Variants in PCDHA4 observed in about 807,000 individuals in gnomAD.
The protein encoded by PCDHA4 is protocadherin alpha-4.
PCDHA4 carries 49 observed loss-of-function variants against 61.4 expected under a neutral mutation model. The observed-to-expected ratio is 0.80, with a 90% CI of 0.63 to 1.01. The LOEUF (loss-of-function observed/expected upper bound fraction) is 1.01, where lower values mean the gene tolerates loss of function less well. Ranked by LOEUF, PCDHA4 falls within the 50% of genes least tolerant of loss-of-function variation. PCDHA4 has a pLI of 0.00. For missense variants in PCDHA4, 1,254 were observed against 1,235.8 expected (o/e 1.01, Z -0.22); for synonymous variants, 590 against 550.3 (o/e 1.07, Z -1.01).
rs144914662 is a variant in PCDHA4, at chr5:140,807,597, A to C, written c.410A>C (p.Gln137Pro). 2,181 of 1,614,208 alleles carry C rather than the reference A, an allele frequency of 1.4e-3. 2 individuals carry two copies. Among genetic ancestry groups the C allele is most frequent in the Non-Finnish European group, 1.8e-3 (2,092 of 1,180,038 alleles). The change falls in exon 1 of 4, where the codon CAA becomes CCA. Residue 137 changes from glutamine (Q) to proline (P), a missense_variant. Physicochemically the swap from Gln to Pro is moderately conservative, Grantham distance 76. Coordinates refer to ENST00000530339, the MANE Select transcript of PCDHA4 (RefSeq NM_018907.4). ...AACCCGCCGGTGTTCCCAGCAACAC[A>C]AAAGAACCTGTCCATCGCGGAATCC... Reference protein sequence around the residue: ...NDNPPVFPATQKNLSIAESRP... With the variant: ...NDNPPVFPATPKNLSIAESRP...
At position 140,966,546 on chromosome 5, in the gene PCDHA4, C is replaced by G. The variant is rs549303882; in HGVS notation, c.2386-12403C>G. The G allele has an allele frequency of 3.9e-5, 18 of 466,228 alleles. No individual in the cohort carries two copies. The Admixed American group carries it at 6.1e-4, about 16-fold the overall frequency. 28.9% of individuals were successfully genotyped at this position (466,228 alleles called of 1,614,324 possible). On this transcript the variant is annotated intron_variant, in intron 1 of 3. Coordinates refer to ENST00000530339, the MANE Select transcript of PCDHA4 (RefSeq NM_018907.4). ...CGAGCCGGGTTGAGCGACTCGGAGGCGAGCGGAGGAGCTGGAATATGGGGA... is the reference window on the plus strand; with the variant it reads ...CGAGCCGGGTTGAGCGACTCGGAGGGGAGCGGAGGAGCTGGAATATGGGGA...
chr5:140,928,458 T>C lies in PCDHA4; in HGVS notation c.2386-50491T>C, dbSNP rs1030560254. On this transcript the variant is annotated intron_variant, in intron 1 of 3. Coordinates refer to ENST00000530339, the MANE Select transcript of PCDHA4 (RefSeq NM_018907.4). Reference sequence around the variant, plus strand: ...ACTTTGAGCAGCTCAGGGGGTTTCATTTCCAAGTAGAAGGCCGGGATGGTG... The same window carrying C: ...ACTTTGAGCAGCTCAGGGGGTTTCACTTCCAAGTAGAAGGCCGGGATGGTG... 3.1e-6 allele frequency: 5 copies of C among 1,614,048 alleles called. No homozygotes were observed. In the African/African-American group the frequency reaches 5.3e-5, roughly 17 times the overall value.
intron 3 of PCDHA4, among the ~76,000 whole-genome samples, chr5:141,008,045 CAG>C (rs1416741468): frequency 2.0e-5 from 3 of 151,924 alleles, no homozygotes; most frequent in South Asian, 2.1e-4. Context: ...CCTTTTGTAA[CAG>C]GGGTCCAGTC....
chr5:140,838,077 AGTGTGTGT>A (rs2150283763), intron 1 of PCDHA4, among the ~76,000 whole-genome samples: 8,999 of 80,104 alleles, frequency 0.11, 350 homozygotes, highest in Admixed American at 0.12. Context: ...ATATATATAT[AGTGTGTGT>A]GTGTGTGTGT....
chr5:140,974,577 T>C (rs2096632640), intron 1 of PCDHA4, among the ~76,000 whole-genome samples: 1 of 152,200 alleles, frequency 6.6e-6, no homozygotes, highest in South Asian at 2.1e-4. Flanking sequence ...AATGGCATGA[T>C]CTTGGCTCAC....
chr5:140,905,643 A>G (rs532700036), intron 1 of PCDHA4, among the ~76,000 whole-genome samples: 1 of 152,306 alleles, frequency 6.6e-6, no homozygotes, highest in Non-Finnish European at 1.5e-5. Context: ...TCAGTTTCAC[A>G]GTATTGATTC....
At chr5:140,825,100 A>G (rs2150072551) in intron 1 of PCDHA4, 1 of 151,878 alleles carries the variant, frequency 6.6e-6, no homozygotes, top group South Asian at 2.1e-4. Flanking sequence ...GATTTTTTTC[A>G]TATACAAATA....
At chr5:140,871,861 T>C (rs1554165885) in intron 1 of PCDHA4, among the ~76,000 whole-genome samples, 1 of 152,272 alleles carries the variant, frequency 6.6e-6, no homozygotes, top group East Asian at 1.9e-4. Flanking sequence ...ATAATAACTA[T>C]GGATTATTTA....
intron 1 of PCDHA4, among the ~76,000 whole-genome samples, chr5:140,905,788 G>T (rs1217429620): frequency 2.6e-5 from 4 of 152,046 alleles, no homozygotes; most frequent in Non-Finnish European, 4.4e-5. Flanking sequence ...ATTAGTCAGG[G>T]TTCTCTAGAG....
At chr5:140,827,709 A>G (rs1769373019) in intron 1 of PCDHA4, among the ~76,000 whole-genome samples, 1 of 152,354 alleles carries the variant, frequency 6.6e-6, no homozygotes, top group Non-Finnish European at 1.5e-5. Context: ...TGTTGCAAAT[A>G]TTGGTAGAAA....
At chr5:140,816,463 T>G (rs1765911201) in intron 1 of PCDHA4, 1 of 152,278 alleles carries the variant, frequency 6.6e-6, no homozygotes, top group Middle Eastern at 3.4e-3. Flanking sequence ...TGTCAAGTAA[T>G]TCACATAGCT....
At chr5:140,971,843 G>A (rs1250084892) in intron 1 of PCDHA4, among the ~76,000 whole-genome samples, 2 of 151,906 alleles carry the variant, frequency 1.3e-5, no homozygotes, top group African/African-American at 4.8e-5. Flanking sequence ...TGCAAGTCAT[G>A]CGTTAAATAT....
chr5:140,914,852 C>T (rs2076867528), intron 1 of PCDHA4, among the ~76,000 whole-genome samples: 1 of 151,838 alleles, frequency 6.6e-6, no homozygotes, highest in Non-Finnish European at 1.5e-5. Flanking sequence ...AAAAGGAAGA[C>T]TAATAAAAGT....
At chr5:140,828,142 G>A in intron 1 of PCDHA4, 2 of 1,613,968 alleles carry the variant, frequency 1.2e-6, no homozygotes, top group African/African-American at 1.3e-5. Flanking sequence ...TGCTCCTCCC[G>A]CTTCTGCTCC....
chr5:140,807,592 A>T lies in PCDHA4; in HGVS notation c.405A>T (p.Ala135=). The change falls in exon 1 of 4, where the codon GCA becomes GCT. Residue 135 remains alanine (A), a synonymous_variant. Coordinates refer to ENST00000530339, the MANE Select transcript of PCDHA4 (RefSeq NM_018907.4). ...DINDNPPVFP[A]TQKNLSIAES... ...ACGATAACCCGCCGGTGTTCCCAGC[A>T]ACACAAAAGAACCTGTCCATCGCGG... is the stretch of plus-strand genomic sequence containing the variant. The T allele has an allele frequency of 1.2e-6, 2 of 1,613,950 alleles. No individual in the cohort carries two copies. Among genetic ancestry groups the T allele is most frequent in the Non-Finnish European group, 1.7e-6 (2 of 1,179,902 alleles).
intron 1 of PCDHA4, among the ~76,000 whole-genome samples, chr5:140,873,901 T>A (rs2153302941): frequency 6.6e-6 from 1 of 152,352 alleles, no homozygotes; most frequent in South Asian, 2.1e-4. Context: ...CCTCAGGTGA[T>A]CTGCCTGCCT....
At chr5:140,822,588 C>A (rs1554128732) in intron 1 of PCDHA4, 2 of 1,609,546 alleles carry the variant, frequency 1.2e-6, no homozygotes, top group South Asian at 1.1e-5. Flanking sequence ...CAGATGAGGG[C>A]ATCAATAAGG....
intron 3 of PCDHA4, among the ~76,000 whole-genome samples, chr5:141,000,421 A>ATATT (rs1265241806): frequency 1.1e-4 from 3 of 27,978 alleles, no homozygotes; most frequent in Non-Finnish European, 1.7e-4. Flanking sequence ...ATATATATAT[A>ATATT]TTTTTTTTTT....
chr5:140,829,964 G>C, intron 1 of PCDHA4: 1 of 1,614,006 alleles, frequency 6.2e-7, no homozygotes. Context: ...GTTTCGCGTG[G>C]GGCTGTACAC....
Sources: gnomAD v4.1 joint callset for allele counts (sites outside exome capture counted in the v4.1 genomes callset) on GRCh38, gnomAD v4.1.1 for gene constraint, MANE v1.5 for transcripts, NCBI Gene and HGNC (gene_info 2026-07-23, HGNC 2026-07-21) for gene names.